RUFY3: variants seen among roughly 807,000 people sequenced by gnomAD.
RUFY3 encodes the protein RUN and FYVE domain containing 3.
RUFY3 carries 34 observed loss-of-function variants against 84.0 expected under a neutral mutation model. That is an observed-to-expected ratio of 0.40 (90% CI 0.31 to 0.54). RUFY3 has a LOEUF of 0.54. Ranked by LOEUF, RUFY3 falls within the 20% of genes least tolerant of loss-of-function variation. RUFY3 has a pLI of 0.39. For synonymous variants in RUFY3, 242 were observed against 252.9 expected (o/e 0.96, Z 0.41); for missense variants, 507 against 736.8 (o/e 0.69, Z 3.61).
At chr4:70,711,793 G>A (rs749731097) in intron 1 of RUFY3, among the ~76,000 whole-genome samples, 10 of 152,148 alleles carry the variant, frequency 6.6e-5, no homozygotes, top group Non-Finnish European at 1.5e-4. Context: ...AGGTAGCTGG[G>A]TCATGCCCCC....
intron 1 of RUFY3, chr4:70,734,436 T>TTATG (rs1719946651): frequency 1.0e-6 from 1 of 985,274 alleles, no homozygotes; most frequent in African/African-American, 1.7e-5. Flanking sequence ...TGAGCTGTGA[T>TTATG]TATGTGTTCA....
chr4:70,710,291 G>C (rs1740825509), intron 1 of RUFY3, among the ~76,000 whole-genome samples: 1 of 152,178 alleles, frequency 6.6e-6, no homozygotes, highest in Non-Finnish European at 1.5e-5. Context: ...ATATGTGTTT[G>C]TGTAAAATAT....
At chr4:70,733,137 GGAGAGAGAGAGAGA>G (rs778346957) in intron 1 of RUFY3, among the ~76,000 whole-genome samples, 81 of 86,632 alleles carry the variant, frequency 9.3e-4, no homozygotes, top group Admixed American at 2.7e-4. Flanking sequence ...AGGGAGGGAG[GGAGAGAGAGAGAGA>G]GAGAGAGAGA....
chr4:70,731,114 T>C (rs1365339838), intron 1 of RUFY3, among the ~76,000 whole-genome samples: 1 of 151,738 alleles, frequency 6.6e-6, no homozygotes, highest in African/African-American at 2.4e-5. Context: ...TTCGGCTCAC[T>C]GCAACCTCCG....
At chr4:70,784,725 T>C in intron 9 of RUFY3, 71 bp from the exon 10 acceptor site, 1 of 893,142 alleles carries the variant, frequency 1.1e-6, no homozygotes, top group Non-Finnish European at 1.6e-6. Flanking sequence ...TCTTGCTAAG[T>C]AGCAGTGTTA....
chr4:70,784,974 A>C, intron 10 of RUFY3, 95 bp downstream of exon 10: 1 of 750,046 alleles, frequency 1.3e-6, no homozygotes, highest in Non-Finnish European at 2.0e-6. Flanking sequence ...TAGGAATATC[A>C]GTAGTGTTCT....
At chr4:70,764,310 C>G (rs1225425838) in intron 3 of RUFY3, among the ~76,000 whole-genome samples, 165 bp from the exon 4 acceptor site, 4 of 152,188 alleles carry the variant, frequency 2.6e-5, no homozygotes, top group Non-Finnish European at 5.9e-5. Flanking sequence ...TTAGCCCACA[C>G]ACAAAAATTC....
At position 70,803,024 on chromosome 4, in the gene RUFY3, T is replaced by C. The variant is rs373165094; in HGVS notation, c.1650+41T>C. On this transcript the variant is annotated intron_variant, in intron 16 of 17. Transcript: ENST00000381006. ...GTTTCAAAACATCTTGTATGAATTA[T>C]GAAGTTGGTTGTACCGTGCCTAGCC... 1.4e-4 allele frequency: 211 copies of C among 1,529,178 alleles called. 5 individuals carry two copies. The Middle Eastern group carries it at 0.012, about 85-fold the overall frequency. 94.7% of individuals were successfully genotyped at this position (1,529,178 alleles called of 1,614,324 possible). A position where few individuals can be genotyped will look rare whatever the true frequency, so the allele number is the denominator to read the frequency against.
intron 9 of RUFY3, among the ~76,000 whole-genome samples, chr4:70,784,216 G>A (rs1241580496): frequency 8.5e-5 from 13 of 152,240 alleles, no homozygotes; most frequent in Admixed American, 8.5e-4. Flanking sequence ...GGGTGCAGTG[G>A]CTCACGCCTG....
intron 13 of RUFY3, 176 bp from the exon 14 acceptor site, chr4:70,794,619 T>A (rs1731277655): frequency 1.6e-6 from 1 of 610,738 alleles, no homozygotes. Flanking sequence ...TGTGTCCAGA[T>A]TCACACAGTT....
At chr4:70,803,916 G>T (rs1732554468) in intron 16 of RUFY3, among the ~76,000 whole-genome samples, 1 of 149,506 alleles carries the variant, frequency 6.7e-6, no homozygotes, top group African/African-American at 2.5e-5. Context: ...TATATTTTTG[G>T]TAGAGATGGA....
intron 1 of RUFY3, among the ~76,000 whole-genome samples, chr4:70,723,781 T>C (rs1172561082): frequency 1.3e-5 from 2 of 152,176 alleles, no homozygotes; most frequent in African/African-American, 2.4e-5. Context: ...AAGAAGACCA[T>C]AGGTGAATTG....
At chr4:70,779,195 A>G (rs1237734120) in intron 8 of RUFY3, among the ~76,000 whole-genome samples, 1 of 152,206 alleles carries the variant, frequency 6.6e-6, no homozygotes, top group African/African-American at 2.4e-5. Flanking sequence ...AGTTACATAG[A>G]TAAGGTGAAG....
chr4:70,708,894 T>A (rs912440454), intron 1 of RUFY3, among the ~76,000 whole-genome samples: 5 of 152,094 alleles, frequency 3.3e-5, no homozygotes, highest in Non-Finnish European at 7.4e-5. Flanking sequence ...AAAAATTTTT[T>A]AAATTAAAAA....
intron 10 of RUFY3, among the ~76,000 whole-genome samples, chr4:70,787,285 T>G (rs1305358442): frequency 1.4e-5 from 2 of 138,360 alleles, no homozygotes; most frequent in Non-Finnish European, 3.1e-5. Context: ...TGAGATGGAG[T>G]CTTGCTCTGC....
At chr4:70,732,365 A>G (rs912857361) in intron 1 of RUFY3, among the ~76,000 whole-genome samples, 3 of 152,200 alleles carry the variant, frequency 2.0e-5, no homozygotes, top group African/African-American at 7.2e-5. Flanking sequence ...TAGATATCCA[A>G]CAAACTTCTG....
chr4:70,722,893 C>T, intron 1 of RUFY3, 142 bp downstream of exon 1: 3 of 700,468 alleles, frequency 4.3e-6, no homozygotes, highest in Non-Finnish European at 6.6e-6. Context: ...TACTTACCAC[C>T]CAGCTCCCCT....
Position 70,807,623 on chromosome 4 carries a change from G to A in RUFY3, c.*964G>A, listed in dbSNP as rs1732967059. Among the ~76,000 whole-genome samples the A allele has an allele frequency of 6.6e-6, 1 of 150,720 alleles. No individual in the cohort carries two copies. The highest frequency in any genetic ancestry group is 1.5e-5 in the Non-Finnish European group (1 of 67,838). On this transcript the variant is annotated 3_prime_UTR_variant, in exon 18 of 18. Transcript: ENST00000381006. Reference sequence around the variant, plus strand: ...GAATCCCTGTTCTCCCGGGCCTCAAGCAATCTTCCCACCTTAGCCTCCCAA... The same window carrying A: ...GAATCCCTGTTCTCCCGGGCCTCAAACAATCTTCCCACCTTAGCCTCCCAA...
chr4:70,708,531 A>G (rs1449053459), intron 1 of RUFY3, among the ~76,000 whole-genome samples: 1 of 152,170 alleles, frequency 6.6e-6, no homozygotes, highest in African/African-American at 2.4e-5. Flanking sequence ...CCTAGTGAAT[A>G]TTACGATGAC....
Sources: gnomAD v4.1 joint callset for allele counts (sites outside exome capture counted in the v4.1 genomes callset) on GRCh38, gnomAD v4.1.1 for gene constraint, MANE v1.5 for transcripts, NCBI Gene and HGNC (gene_info 2026-07-23, HGNC 2026-07-21) for gene names.